USH2A: variants seen among roughly 807,000 people sequenced by gnomAD.
USH2A encodes Usher syndrome 2A (autosomal recessive, mild).
In USH2A, 443 loss-of-function variants were observed where a neutral mutation model predicts 538.9. The ratio of observed to expected loss-of-function variants is 0.82; its 90% CI spans 0.76 to 0.89. USH2A has a LOEUF of 0.89. USH2A is among the 40% of genes least tolerant of loss of function. The probability of loss-of-function intolerance (pLI) is 0.00; values close to 1 mark genes in which losing one functional copy is unlikely to be tolerated. For missense variants in USH2A, 6,633 were observed against 6,324.8 expected (o/e 1.05, Z -1.65); for synonymous variants, 2,413 against 2,273.5 (o/e 1.06, Z -1.75).
chr1:216,251,509 G>C (rs975198669), intron 11 of USH2A, among the ~76,000 whole-genome samples: 2 of 130,236 alleles, frequency 1.5e-5, no homozygotes, highest in African/African-American at 2.9e-5. Context: ...GGAGTGCAGT[G>C]GCTCAATCTC....
chr1:215,886,460 C>G (rs928131040), intron 41 of USH2A: 3 of 152,172 alleles, frequency 2.0e-5, no homozygotes, highest in Non-Finnish European at 4.4e-5. Flanking sequence ...GCATTAAATA[C>G]TAGACTCAGT....
At chr1:216,336,745 GCA>G (rs1326088058) in intron 4 of USH2A, among the ~76,000 whole-genome samples, 1 of 151,374 alleles carries the variant, frequency 6.6e-6, no homozygotes, top group African/African-American at 2.4e-5. Context: ...AACATATCAT[GCA>G]CCTTATGTAA....
intron 38 of USH2A, among the ~76,000 whole-genome samples, chr1:215,920,758 C>T (rs748514276): frequency 2.6e-5 from 4 of 152,050 alleles, no homozygotes; most frequent in Non-Finnish European, 5.9e-5. Context: ...AAGATACACG[C>T]TTACTTGATT....
chr1:215,781,764 G>C (rs1458290977), intron 54 of USH2A, among the ~76,000 whole-genome samples: 2 of 152,086 alleles, frequency 1.3e-5, no homozygotes, highest in Non-Finnish European at 2.9e-5. Flanking sequence ...AAATTGGTTG[G>C]TGAGGAAAGA....
At chr1:216,391,977 T>G (rs1286972984) in intron 3 of USH2A, among the ~76,000 whole-genome samples, 1 of 152,198 alleles carries the variant, frequency 6.6e-6, no homozygotes, top group Non-Finnish European at 1.5e-5. Context: ...AGTAGTCTCA[T>G]CTGTACCTTC....
At chr1:215,979,718 A>G (rs966760893) in intron 35 of USH2A, among the ~76,000 whole-genome samples, 1 of 152,110 alleles carries the variant, frequency 6.6e-6, no homozygotes, top group Non-Finnish European at 1.5e-5. Context: ...TAAAAAAAAA[A>G]CTTGTGACAC....
intron 11 of USH2A, among the ~76,000 whole-genome samples, chr1:216,256,404 C>T (rs375665854): frequency 1.4e-5 from 2 of 146,004 alleles, no homozygotes; most frequent in Admixed American, 1.4e-4. Flanking sequence ...TTAGTTATAA[C>T]TCTTTGTTTT....
chr1:216,187,828 C>T (rs960077188), intron 20 of USH2A, among the ~76,000 whole-genome samples: 2 of 151,824 alleles, frequency 1.3e-5, no homozygotes, highest in African/African-American at 2.4e-5. Flanking sequence ...ATAAGTTATG[C>T]TTATTTATAA....
chr1:216,219,975 C>A (rs983572724), intron 14 of USH2A, among the ~76,000 whole-genome samples: 1 of 152,086 alleles, frequency 6.6e-6, no homozygotes, highest in African/African-American at 2.4e-5. Flanking sequence ...AAGAAGTTGG[C>A]CTCTGTCTCC....
intron 4 of USH2A, among the ~76,000 whole-genome samples, chr1:216,364,716 C>T (rs942994533): frequency 2.6e-5 from 4 of 152,126 alleles, no homozygotes; most frequent in Admixed American, 2.0e-4. Flanking sequence ...TAGATTTGCC[C>T]TCAGAGCCTC....
At chr1:216,194,689 CA>C (rs926564602) in intron 19 of USH2A, among the ~76,000 whole-genome samples, 1 of 152,052 alleles carries the variant, frequency 6.6e-6, no homozygotes, top group Non-Finnish European at 1.5e-5. Context: ...AAATAAAGGA[CA>C]AATTATTGCA....
intron 37 of USH2A, among the ~76,000 whole-genome samples, chr1:215,952,572 G>A (rs1051384871): frequency 7.9e-5 from 12 of 152,102 alleles, no homozygotes; most frequent in African/African-American, 2.7e-4. Flanking sequence ...TAGGGCAGGT[G>A]TGGTGGTGAC....
At chr1:216,261,808 C>T (rs531912449) in intron 11 of USH2A, among the ~76,000 whole-genome samples, 3 of 152,138 alleles carry the variant, frequency 2.0e-5, no homozygotes, top group Non-Finnish European at 4.4e-5. Context: ...TCACCCAAAG[C>T]AAGCCAGTTC....
At chr1:215,868,785 A>C (rs1011487999) in intron 43 of USH2A, among the ~76,000 whole-genome samples, 1 of 152,210 alleles carries the variant, frequency 6.6e-6, no homozygotes, top group African/African-American at 2.4e-5. Flanking sequence ...AAAAACAGAA[A>C]CAGAAATTGG....
At chr1:216,284,019 A>G (rs1008009279) in intron 11 of USH2A, among the ~76,000 whole-genome samples, 6 of 152,130 alleles carry the variant, frequency 3.9e-5, no homozygotes, top group African/African-American at 1.4e-4. Context: ...ACTGTCTTCT[A>G]GTAATATTAA....
At chr1:215,916,168 C>G (rs926788676) in intron 38 of USH2A, among the ~76,000 whole-genome samples, 6 of 151,442 alleles carry the variant, frequency 4.0e-5, no homozygotes, top group Non-Finnish European at 7.4e-5. Context: ...GCACATGTAC[C>G]CTGAAACTTA....
At chr1:215,673,499 C>T (rs1047598896) in intron 63 of USH2A, among the ~76,000 whole-genome samples, 5 of 152,156 alleles carry the variant, frequency 3.3e-5, no homozygotes, top group South Asian at 2.1e-4. Context: ...TGGAGAACAA[C>T]GCACTTCCAT....
chr1:215,819,565 T>C (rs1206974395), intron 47 of USH2A, among the ~76,000 whole-genome samples: 3 of 151,842 alleles, frequency 2.0e-5, no homozygotes, highest in African/African-American at 7.2e-5. Context: ...TATCAAACTT[T>C]CAAAATTAAT....
At chr1:215,975,354 G>A (rs1313901241) in intron 35 of USH2A, among the ~76,000 whole-genome samples, 4 of 151,996 alleles carry the variant, frequency 2.6e-5, no homozygotes, top group Admixed American at 1.3e-4. Context: ...GTCAATTTTT[G>A]TTGCAATTGC....
Sources: allele counts gnomAD v4.1 joint callset (sites outside exome capture counted in the v4.1 genomes callset), GRCh38; gene constraint gnomAD v4.1.1; transcripts MANE v1.5; gene names NCBI Gene and HGNC (gene_info 2026-07-23, HGNC 2026-07-21).